The following OR4K1 variants were observed in gnomAD, a reference collection of about 807,000 sequenced individuals.
The protein encoded by OR4K1 is olfactory receptor 4K1.
In OR4K1, 16 loss-of-function variants were observed where a neutral mutation model predicts 14.4. That is an observed-to-expected ratio of 1.11 (90% CI 0.75 to 1.68). The LOEUF (loss-of-function observed/expected upper bound fraction) is 1.68. Among genes scored for constraint, OR4K1 ranks in the 40% most tolerant of loss-of-function variants. The pLI is 0.00. For synonymous variants in OR4K1, 181 were observed against 133.1 expected, an observed-to-expected ratio of 1.36 and a Z score of -2.48; for missense variants, 548 against 376.9, an observed-to-expected ratio of 1.45 and a Z score of -3.76.
At chr14:19,921,028 G>A in the OR4K1 span, 3 of 1,614,190 alleles carry the variant, frequency 1.9e-6, no homozygotes, top group Middle Eastern at 1.6e-4. Flanking sequence ...CGAAGGACAT[G>A]CACTGTCTTG....
At chr14:19,929,053 G>T (rs1203728844), upstream of OR4K1, among the ~76,000 whole-genome samples, 1 of 151,590 alleles carries the variant, frequency 6.6e-6, no homozygotes, top group South Asian at 2.1e-4. Context: ...TGCTTTAGAG[G>T]CCTTACCAAC....
chr14:19,924,764 T>TA, the OR4K1 span, among the ~76,000 whole-genome samples: 2 of 152,270 alleles, frequency 1.3e-5, no homozygotes, highest in Non-Finnish European at 2.9e-5. Context: ...ATTGCAGCAC[T>TA]ATTTCCACAA....
In OR4K1 at chr14:19,935,697, G is replaced by T; in HGVS notation, c.31G>T (p.Glu11Ter). The change falls in exon 2 of 2, where the codon GAG (glutamate) becomes TAG (stop). Residue 11 changes from glutamate to a stop codon, truncating the protein, a stop_gained. Transcript: ENST00000641172. LOFTEE classifies it high-confidence loss of function. MAHTNESMVS[E>*]FVLLGLSNSW... ...TCACACAAATGAATCGATGGTGTCT[G>T]AGTTTGTACTTTTGGGACTCTCTAA... 1 of 1,610,136 alleles carries T rather than the reference G, an allele frequency of 6.2e-7. No homozygotes were observed. The highest frequency in any genetic ancestry group is 1.1e-5 in the South Asian group (1 of 90,034).
intron 1 of OR4K1, among the ~76,000 whole-genome samples, chr14:19,933,536 T>C (rs991291344): frequency 9.2e-5 from 14 of 152,222 alleles, no homozygotes; most frequent in African/African-American, 3.1e-4. Context: ...TGGAAACTTG[T>C]AGTTAGGTCA....
At position 19,936,207 on chromosome 14, in the gene OR4K1, C is replaced by G; in HGVS notation, c.541C>G (p.Leu181Val). ...PNEVDSFFCDLPLVIELACMD... is the reference protein window; with the variant it reads ...PNEVDSFFCDVPLVIELACMD... ...TGAGGTGGATAGCTTCTTTTGTGAC[C>G]TTCCCTTGGTGATAGAGCTGGCTTG... Residue 181 changes from leucine (L) to valine (V), a missense_variant, in exon 2 of 2, where the codon CTT becomes GTT. By Grantham distance (32) the Leu-to-Val change is conservative. Coordinates refer to ENST00000641172, the MANE Select transcript of OR4K1 (RefSeq NM_001004063.3). The G allele has an allele frequency of 6.2e-7, 1 of 1,614,230 alleles. No individual in the cohort carries two copies. Among genetic ancestry groups the G allele is most frequent in the Non-Finnish European group, 8.5e-7 (1 of 1,180,030 alleles).
In OR4K1 at chr14:19,936,083, G is replaced by C; in HGVS notation, c.417G>C (p.Arg139Ser). 6.2e-7 allele frequency: 1 copy of C among 1,614,210 alleles called. No homozygotes were observed. Among genetic ancestry groups the C allele is most frequent in the Non-Finnish European group, 8.5e-7 (1 of 1,180,040 alleles). ...PLHYSTIMNR[R>S]LCVIFVSISW... ...ACTACAGTACAATTATGAACCGGAG[G>C]CTCTGTGTAATTTTTGTGTCTATTT... Residue 139 changes from arginine (R) to serine (S), a missense_variant, in exon 2 of 2, where the codon AGG becomes AGC. Coordinates refer to ENST00000641172, the MANE Select transcript of OR4K1 (RefSeq NM_001004063.3).
chr14:19,932,614 A>G (rs986193439), intron 1 of OR4K1, among the ~76,000 whole-genome samples: 2 of 152,232 alleles, frequency 1.3e-5, no homozygotes, highest in African/African-American at 2.4e-5. Context: ...CACTCATAAG[A>G]TTTAGCTTTG....
At chr14:19,924,353 T>C in the OR4K1 span, among the ~76,000 whole-genome samples, 1 of 125,738 alleles carries the variant, frequency 8.0e-6, no homozygotes, top group Non-Finnish European at 1.5e-5. Flanking sequence ...TGAGCCGAGA[T>C]CGCGCCATTG....
At chr14:19,926,256 C>T (rs941392622), upstream of OR4K1, among the ~76,000 whole-genome samples, 1 of 152,224 alleles carries the variant, frequency 6.6e-6, no homozygotes, top group Admixed American at 6.5e-5. Flanking sequence ...GGAGTTCTCA[C>T]CCTTAAAAAG....
chr14:19,925,243 G>C, the OR4K1 span, among the ~76,000 whole-genome samples: 14 of 152,142 alleles, frequency 9.2e-5, no homozygotes, highest in African/African-American at 3.1e-4. Context: ...GTCAAAAACT[G>C]GGATTTGAAC....
chr14:19,921,273 G>C, the OR4K1 span: 2 of 1,614,130 alleles, frequency 1.2e-6, no homozygotes, highest in East Asian at 4.5e-5. Context: ...CATTATTCTT[G>C]TTACAGTTTG....
intron 1 of OR4K1, among the ~76,000 whole-genome samples, chr14:19,934,772 GC>G (rs1162960367): frequency 2.0e-5 from 3 of 152,048 alleles, no homozygotes; most frequent in Non-Finnish European, 4.4e-5. Flanking sequence ...CCAGGTTCAA[GC>G]AATTCTCCTG....
chr14:19,933,085 C>A (rs542803776), intron 1 of OR4K1, among the ~76,000 whole-genome samples: 5 of 151,380 alleles, frequency 3.3e-5, no homozygotes, highest in East Asian at 3.9e-4. Context: ...ATTTAAGTGG[C>A]AAATCTTATC....
At chr14:19,926,001 G>A (rs1024554462), upstream of OR4K1, among the ~76,000 whole-genome samples, 28 of 152,334 alleles carry the variant, frequency 1.8e-4, no homozygotes, top group Admixed American at 3.9e-4. Context: ...GGGTGTGGGT[G>A]GAATGGATCT....
chr14:19,920,750 A>T, the OR4K1 span: 1 of 1,614,006 alleles, frequency 6.2e-7, no homozygotes, highest in Admixed American at 1.7e-5. Context: ...TTATCCTCAC[A>T]GTGACTTCTG....
At chr14:19,934,416 T>A (rs1168140077) in intron 1 of OR4K1, among the ~76,000 whole-genome samples, 1 of 152,266 alleles carries the variant, frequency 6.6e-6, no homozygotes, top group Non-Finnish European at 1.5e-5. Context: ...TTTGACAAAT[T>A]CAAGTTTGTC....
At chr14:19,922,146 C>G in the OR4K1 span, among the ~76,000 whole-genome samples, 1 of 151,872 alleles carries the variant, frequency 6.6e-6, no homozygotes, top group African/African-American at 2.4e-5. Context: ...TGGAATGATA[C>G]ATACTCAGAA....
chr14:19,926,229 C>T (rs552647400), upstream of OR4K1, among the ~76,000 whole-genome samples: 16 of 152,328 alleles, frequency 1.1e-4, no homozygotes, highest in Admixed American at 3.9e-4. Context: ...GAAAACCTCT[C>T]GTCTTTGTCT....
upstream of OR4K1, among the ~76,000 whole-genome samples, chr14:19,925,941 A>G (rs888499680): frequency 3.0e-4 from 46 of 152,390 alleles, no homozygotes; most frequent in African/African-American, 1.1e-3. Flanking sequence ...AAAACAGAGT[A>G]GGTGATTGCA....
Sources: allele counts gnomAD v4.1 joint callset (sites outside exome capture counted in the v4.1 genomes callset), GRCh38; gene constraint gnomAD v4.1.1; transcripts MANE v1.5; gene names NCBI Gene and HGNC (gene_info 2026-07-23, HGNC 2026-07-21).